PLXNC1: variants seen among roughly 807,000 people sequenced by gnomAD.
The protein encoded by PLXNC1 is plexin-C1.
Under a neutral mutation model 178.2 loss-of-function variants are expected in PLXNC1, and 75 were observed. That is an observed-to-expected ratio of 0.42 (90% CI 0.35 to 0.51). The LOEUF (loss-of-function observed/expected upper bound fraction) is 0.51. Ranked by LOEUF, PLXNC1 falls within the 20% of genes least tolerant of loss-of-function variation. The probability of loss-of-function intolerance (pLI) is 0.02; values close to 1 mark genes in which losing one functional copy is unlikely to be tolerated. For synonymous variants in PLXNC1, 790 were observed against 779.9 expected (o/e 1.01, Z -0.22); for missense variants, 1,503 against 1,984.4 (o/e 0.76, Z 4.61).
chr12:94,236,338 G>A (rs964599639), intron 9 of PLXNC1, among the ~76,000 whole-genome samples: 1 of 152,348 alleles, frequency 6.6e-6, no homozygotes, highest in East Asian at 1.9e-4. Flanking sequence ...TGTGTGTGCT[G>A]GGGAGCAGAA....
intron 1 of PLXNC1, among the ~76,000 whole-genome samples, chr12:94,163,443 C>T (rs1006223632): frequency 8.6e-5 from 13 of 152,046 alleles, no homozygotes; most frequent in Admixed American, 7.9e-4. Context: ...TTATTTGAGT[C>T]AGGTCGTCTT....
At chr12:94,210,223 CA>C (rs1465304343) in intron 5 of PLXNC1, among the ~76,000 whole-genome samples, 1 of 152,212 alleles carries the variant, frequency 6.6e-6, no homozygotes, top group Non-Finnish European at 1.5e-5. Flanking sequence ...GTGACCATTG[CA>C]AGTGAGGTCC....
chr12:94,187,178 G>A (rs1277049042), intron 4 of PLXNC1, among the ~76,000 whole-genome samples: 9 of 79,520 alleles, frequency 1.1e-4, no homozygotes. Flanking sequence ...GCAGGAAAGA[G>A]AGAGAGAGAG....
chr12:94,287,091 T>C (rs951906277), intron 23 of PLXNC1, among the ~76,000 whole-genome samples: 1 of 152,212 alleles, frequency 6.6e-6, no homozygotes, highest in African/African-American at 2.4e-5. Flanking sequence ...TCAATTAATG[T>C]CCACAAAAAC....
chr12:94,269,974 C>T (rs1039678263), intron 21 of PLXNC1, among the ~76,000 whole-genome samples: 4 of 152,212 alleles, frequency 2.6e-5, no homozygotes, highest in Non-Finnish European at 4.4e-5. Context: ...ACTTTCTTCT[C>T]ATGCCTGTAA....
At position 94,303,713 on chromosome 12, in the gene PLXNC1, A is replaced by T. The variant is rs745980072; in HGVS notation, c.4387-43A>T. ...TCCATCTTTTTTTTTTTTTTTTTTT[A>T]CTCTTTTGGTGATGGTTGCTTTTTT... On this transcript the variant is annotated intron_variant, in intron 28 of 30. Transcript: ENST00000258526. The T allele has an allele frequency of 1.4e-3, 1,221 of 869,146 alleles. No homozygotes were observed. Among genetic ancestry groups the T allele is most frequent in the African/African-American group, 5.7e-3 (200 of 34,788 alleles). The allele number at this position is 869,146 out of a possible 1,614,324, so 53.8% of individuals were successfully genotyped here.
In PLXNC1 at chr12:94,260,585, C is replaced by T; in HGVS notation, c.3252-57C>T. ...GCCAGTGAGCTTCCATGGAAACTCC[C>T]ATGGGTGTCCAGCTAGGCCTGCAGC... On this transcript the variant is annotated intron_variant, in intron 19 of 30. Transcript: ENST00000258526. This position sits in a 1 kb window ranked among gnomAD's most constrained non-coding sequence, Gnocchi z 4.4. 4.5e-6 allele frequency: 6 copies of T among 1,336,162 alleles called. No individual in the cohort carries two copies. Among genetic ancestry groups the T allele is most frequent in the Non-Finnish European group, 6.4e-6 (6 of 940,086 alleles). 82.8% of individuals were successfully genotyped at this position (1,336,162 alleles called of 1,614,324 possible). A position where few individuals can be genotyped will look rare whatever the true frequency, so the allele number is the denominator to read the frequency against.
intron 23 of PLXNC1, among the ~76,000 whole-genome samples, chr12:94,283,455 G>C (rs941043704): frequency 6.6e-6 from 1 of 152,216 alleles, no homozygotes; most frequent in Non-Finnish European, 1.5e-5. Context: ...GCATGTCCCT[G>C]TAATGTAACT....
intron 1 of PLXNC1, among the ~76,000 whole-genome samples, chr12:94,155,950 A>C (rs1231029316): frequency 6.6e-6 from 1 of 152,250 alleles, no homozygotes; most frequent in East Asian, 1.9e-4. Context: ...ACATGGAATT[A>C]CATGGTAATC....
chr12:94,186,791 A>G (rs948871259), intron 4 of PLXNC1: 1 of 260,948 alleles, frequency 3.8e-6, no homozygotes, highest in Admixed American at 4.6e-5. Context: ...AGAGAGAGGC[A>G]AAAGGGCCCC....
chr12:94,198,017 C>T (rs1017816974), intron 4 of PLXNC1, among the ~76,000 whole-genome samples: 1 of 152,152 alleles, frequency 6.6e-6, no homozygotes, highest in African/African-American at 2.4e-5. Flanking sequence ...CAGTCACTGT[C>T]CTAAGCACTG....
At chr12:94,248,893 C>T (rs560180311) in intron 14 of PLXNC1, among the ~76,000 whole-genome samples, 4 of 152,218 alleles carry the variant, frequency 2.6e-5, no homozygotes, top group Admixed American at 6.5e-5. Context: ...ATACTTTCTG[C>T]GATTAATCTT....
chr12:94,239,289 T>G (rs375464210), intron 10 of PLXNC1, among the ~76,000 whole-genome samples: 32 of 152,368 alleles, frequency 2.1e-4, no homozygotes, highest in African/African-American at 7.0e-4. Flanking sequence ...AAATGGGTAA[T>G]TATTTTAAAG....
chr12:94,208,439 A>G (rs1963370331), intron 4 of PLXNC1, among the ~76,000 whole-genome samples: 1 of 152,196 alleles, frequency 6.6e-6, no homozygotes, highest in Non-Finnish European at 1.5e-5. Context: ...TGAAAGAGAG[A>G]GAGAGTAGAG....
intron 20 of PLXNC1, chr12:94,262,451 A>G (rs1965017836): frequency 1.0e-6 from 1 of 977,312 alleles, no homozygotes; most frequent in Non-Finnish European, 1.2e-6. Context: ...TAGAGGGGTG[A>G]GATGTTCAGA....
intron 9 of PLXNC1, among the ~76,000 whole-genome samples, chr12:94,234,195 T>TA (rs1964181184): frequency 6.6e-6 from 1 of 152,190 alleles, no homozygotes. Context: ...TGAGCCCTCC[T>TA]AATGCACCTC....
chr12:94,163,365 T>G (rs945005912), intron 1 of PLXNC1, among the ~76,000 whole-genome samples: 2 of 151,992 alleles, frequency 1.3e-5, no homozygotes, highest in Non-Finnish European at 2.9e-5. Context: ...CTCAAAATAA[T>G]AATAATAAAA....
Position 94,149,961 on chromosome 12 carries a change from C to A in PLXNC1, c.990C>A (p.Leu330=), listed in dbSNP as rs375529633. Residue 330 remains leucine (L), a synonymous_variant, in exon 1 of 31, where the codon CTC becomes CTA. Coordinates refer to ENST00000258526, the MANE Select transcript of PLXNC1 (RefSeq NM_005761.3). ...CCCCCACCACCACGGCGCTCTGCCT[C>A]TTCAGAATGAGTGAGATCCAGGCGC... The part of the protein sequence containing the change: ...RRSPTTTALC[L]FRMSEIQARA... The A allele has an allele frequency of 1.3e-6, 2 of 1,591,964 alleles. No homozygotes were observed. The highest frequency in any genetic ancestry group is 1.7e-6 in the Non-Finnish European group (2 of 1,170,352).
At chr12:94,233,363 G>T (rs1964160967) in intron 9 of PLXNC1, among the ~76,000 whole-genome samples, 1 of 152,198 alleles carries the variant, frequency 6.6e-6, no homozygotes, top group South Asian at 2.1e-4. Flanking sequence ...CCCTCCACTG[G>T]CTGGGAAGAG....
Sources: allele counts gnomAD v4.1 joint callset (sites outside exome capture counted in the v4.1 genomes callset), GRCh38; gene constraint gnomAD v4.1.1; non-coding constraint Gnocchi (gnomAD v3.1); transcripts MANE v1.5; gene names NCBI Gene and HGNC (gene_info 2026-07-23, HGNC 2026-07-21).